The following TRPM3 variants were observed in gnomAD, a reference collection of about 807,000 sequenced individuals.
TRPM3 encodes long transient receptor potential channel 3.
Under a neutral mutation model 181.2 loss-of-function variants are expected in TRPM3, and 77 were observed. The ratio of observed to expected loss-of-function variants is 0.42; its 90% CI spans 0.35 to 0.51. TRPM3 has a LOEUF of 0.51. Among genes scored for constraint, TRPM3 ranks in the 20% least tolerant of loss-of-function variants. The pLI, the probability that TRPM3 is intolerant of heterozygous loss-of-function variation, is 0.01. For synonymous variants in TRPM3, 745 were observed against 796.4 expected (o/e 0.94, Z 1.09); for missense variants, 1,759 against 2,196.7 (o/e 0.80, Z 3.98).
At chr9:70,745,498 T>G (rs562984929) in intron 8 of TRPM3, among the ~76,000 whole-genome samples, 1 of 152,210 alleles carries the variant, frequency 6.6e-6, no homozygotes, top group South Asian at 2.1e-4. Context: ...AATTATGTTA[T>G]TAAGATGATA....
At chr9:70,672,944 TC>T (rs2063264701) in intron 9 of TRPM3, among the ~76,000 whole-genome samples, 1 of 152,018 alleles carries the variant, frequency 6.6e-6, no homozygotes, top group African/African-American at 2.4e-5. Flanking sequence ...TTAGTCGAGA[TC>T]CCCCAGAAGC....
chr9:71,113,685 T>C (rs116955938), intron 1 of TRPM3, among the ~76,000 whole-genome samples: 152 of 152,312 alleles, frequency 1.0e-3, no homozygotes, highest in Admixed American at 3.4e-3. Context: ...CATTCAATGC[T>C]CTGTGAGCAT....
intron 1 of TRPM3, among the ~76,000 whole-genome samples, chr9:71,243,597 A>T (rs191316745): frequency 7.2e-4 from 110 of 152,366 alleles, no homozygotes; most frequent in South Asian, 6.2e-3. Flanking sequence ...AATCATGCTT[A>T]TGCATTGTAA....
chr9:71,406,263 G>A lies in TRPM3; in HGVS notation c.183+40390C>T, dbSNP rs543297193. ...CAAATGAAAGAGTCAATAAAGAAAT[G>A]AATGAAGAACAATGCAAAAGGAACA... is the stretch of plus-strand genomic sequence containing the variant. On this transcript the variant is annotated intron_variant, in intron 1 of 24. Coordinates refer to the TRPM3 transcript ENST00000357533. Among the ~76,000 whole-genome samples the A allele has an allele frequency of 9.7e-4, 147 of 152,242 alleles. 2 individuals carry two copies. Among genetic ancestry groups the A allele is most frequent in the South Asian group, 5.8e-3 (28 of 4,828 alleles).
At chr9:70,900,419 A>T (rs922969677) in intron 1 of TRPM3, among the ~76,000 whole-genome samples, 14 of 152,304 alleles carry the variant, frequency 9.2e-5, no homozygotes, top group African/African-American at 2.4e-4. Context: ...AAATAATTGT[A>T]GTGACATTTG....
At chr9:70,978,258 C>T (rs985831629) in intron 1 of TRPM3, among the ~76,000 whole-genome samples, 5 of 152,214 alleles carry the variant, frequency 3.3e-5, no homozygotes, top group African/African-American at 1.2e-4. Flanking sequence ...CTATGACTAA[C>T]CTGCATATAC....
chr9:70,637,736 C>T (rs566605575), intron 11 of TRPM3, among the ~76,000 whole-genome samples: 147 of 152,040 alleles, frequency 9.7e-4, no homozygotes, highest in African/African-American at 3.4e-3. Context: ...TTGCCCTCTG[C>T]GTGATGGGAC....
chr9:71,182,652 A>T (rs1401203888), intron 1 of TRPM3, among the ~76,000 whole-genome samples: 1 of 152,102 alleles, frequency 6.6e-6, no homozygotes, highest in African/African-American at 2.4e-5. Context: ...TGTTAGCAAG[A>T]TGCTCAATAT....
chr9:71,112,912 G>A (rs1224249371), intron 1 of TRPM3, among the ~76,000 whole-genome samples: 1 of 152,142 alleles, frequency 6.6e-6, no homozygotes, highest in Non-Finnish European at 1.5e-5. Flanking sequence ...GTCTGGTGCA[G>A]GTTTTCCAGG....
At chr9:70,964,421 G>A (rs1039690090) in intron 1 of TRPM3, among the ~76,000 whole-genome samples, 3 of 152,046 alleles carry the variant, frequency 2.0e-5, no homozygotes, top group Non-Finnish European at 4.4e-5. Flanking sequence ...TGTTACTGAA[G>A]TGAAGGCAAC....
intron 9 of TRPM3, among the ~76,000 whole-genome samples, chr9:70,654,257 A>G (rs972981420): frequency 6.6e-6 from 1 of 152,166 alleles, no homozygotes; most frequent in Non-Finnish European, 1.5e-5. Context: ...GAGTTTTCTC[A>G]GCCTTGAAGA....
Position 70,536,069 on chromosome 9 carries a change from G to T in TRPM3, c.5044C>A (p.Arg1682=), listed in dbSNP as rs146628200. Residue 1682 remains arginine (R), a synonymous_variant, in exon 26 of 26, where the codon CGA becomes AGA. Transcript: ENST00000677713. The part of the protein sequence containing the change: ...LDRQRNTASL[R]NPFQRSKSSK... ...GACTTGCTTCTCTGGAAGGGATTTC[G>T]CAGGCTTGCTGTGTTCCGCTGCCTG... is the stretch of plus-strand genomic sequence containing the variant. 8.7e-6 allele frequency: 14 copies of T among 1,613,950 alleles called. No homozygotes were observed. The highest frequency in any genetic ancestry group is 1.3e-5 in the African/African-American group (1 of 74,922).
chr9:70,803,986 A>G (rs2090011666), intron 6 of TRPM3, among the ~76,000 whole-genome samples: 1 of 151,394 alleles, frequency 6.6e-6, no homozygotes. Flanking sequence ...ACATTTTCCC[A>G]CCTCTAGGAG....
intron 1 of TRPM3, among the ~76,000 whole-genome samples, chr9:71,143,400 T>G (rs2075235307): frequency 6.6e-6 from 1 of 152,150 alleles, no homozygotes; most frequent in Admixed American, 6.6e-5. Flanking sequence ...CCATGTGTTT[T>G]CATCATTTAG....
chr9:71,267,494 G>C (rs1465554419), intron 1 of TRPM3, among the ~76,000 whole-genome samples: 1 of 152,026 alleles, frequency 6.6e-6, no homozygotes, highest in Non-Finnish European at 1.5e-5. Flanking sequence ...ATTTCTCTAA[G>C]TACTTTGGGT....
At chr9:71,104,403 C>T (rs1018272566) in intron 1 of TRPM3, among the ~76,000 whole-genome samples, 1 of 152,156 alleles carries the variant, frequency 6.6e-6, no homozygotes, top group African/African-American at 2.4e-5. Flanking sequence ...CATTATGTTT[C>T]AAAACAGCAA....
At chr9:70,613,363 A>C (rs2062263743) in intron 18 of TRPM3, among the ~76,000 whole-genome samples, 1 of 152,224 alleles carries the variant, frequency 6.6e-6, no homozygotes, top group Non-Finnish European at 1.5e-5. Context: ...TAAACTACTA[A>C]AAGCTACAAA....
intron 1 of TRPM3, among the ~76,000 whole-genome samples, chr9:71,412,485 C>G (rs1039599754): frequency 4.6e-5 from 7 of 152,142 alleles, no homozygotes; most frequent in African/African-American, 1.7e-4. Flanking sequence ...ATGCAGCCAA[C>G]AGACACATGA....
chr9:71,268,383 AAATAAT>A (rs940022005), intron 1 of TRPM3, among the ~76,000 whole-genome samples: 1 of 151,972 alleles, frequency 6.6e-6, no homozygotes, highest in Admixed American at 6.6e-5. Context: ...CTGTCTCAAA[AAATAAT>A]AATAATAATA....
Sources: gnomAD v4.1 joint callset for allele counts (sites outside exome capture counted in the v4.1 genomes callset) on GRCh38, gnomAD v4.1.1 for gene constraint, MANE v1.5 for transcripts, NCBI Gene and HGNC (gene_info 2026-07-23, HGNC 2026-07-21) for gene names.